Variants in ARB2A observed in about 807,000 individuals in gnomAD.
The protein encoded by ARB2A is ARB2 cotranscriptional regulator A, also known as cotranscriptional regulator ARB2A.
At chr5:93,871,110 T>C in the ARB2A span, among the ~76,000 whole-genome samples, 1 of 152,242 alleles carries the variant, frequency 6.6e-6, no homozygotes, top group Non-Finnish European at 1.5e-5. Context: ...TGGTCAATGA[T>C]ACAAACTGAG....
chr5:94,074,829 C>T, the ARB2A span: 1 of 1,122,018 alleles, frequency 8.9e-7, no homozygotes, highest in Middle Eastern at 2.0e-4. Context: ...TCCACGAGAA[C>T]TTCCTTGATC....
chr5:94,104,165 G>A, the ARB2A span, among the ~76,000 whole-genome samples: 4 of 150,278 alleles, frequency 2.7e-5, no homozygotes, highest in South Asian at 8.4e-4. Flanking sequence ...AGAGCTGACT[G>A]AACAAAACTA....
At chr5:94,071,724 G>A in the ARB2A span, among the ~76,000 whole-genome samples, 48 of 152,158 alleles carry the variant, frequency 3.2e-4, no homozygotes, top group African/African-American at 1.0e-3. Flanking sequence ...CAAATGCTGA[G>A]GAGGATGTAG....
At chr5:94,061,898 A>C in the ARB2A span, among the ~76,000 whole-genome samples, 1 of 152,320 alleles carries the variant, frequency 6.6e-6, no homozygotes, top group East Asian at 1.9e-4. Flanking sequence ...TTCCTATCAA[A>C]ATTGCAGTAA....
At chr5:93,931,079 T>C in the ARB2A span, among the ~76,000 whole-genome samples, 1 of 152,186 alleles carries the variant, frequency 6.6e-6, no homozygotes, top group South Asian at 2.1e-4. Context: ...AGTAAGAACA[T>C]GTGGTGTTTG....
chr5:93,982,329 T>C, the ARB2A span, among the ~76,000 whole-genome samples: 3 of 152,180 alleles, frequency 2.0e-5, no homozygotes, highest in Non-Finnish European at 4.4e-5. Context: ...ACAGATAAAA[T>C]GGATATAAAT....
the ARB2A span, chr5:93,861,506 G>A: frequency 6.6e-6 from 1 of 152,052 alleles, no homozygotes. Flanking sequence ...TATGGGTAGG[G>A]TCATGTGTTC....
the ARB2A span, among the ~76,000 whole-genome samples, chr5:93,806,425 A>G: frequency 2.6e-5 from 4 of 151,866 alleles, no homozygotes; most frequent in African/African-American, 9.7e-5. Context: ...TCACAAATCT[A>G]ATTTTTCAAT....
chr5:93,968,864 A>G, the ARB2A span, among the ~76,000 whole-genome samples: 3 of 152,194 alleles, frequency 2.0e-5, no homozygotes, highest in Admixed American at 6.5e-5. Flanking sequence ...GACTTCTCTT[A>G]CAAACTATGT....
chr5:93,900,078 C>G, the ARB2A span, among the ~76,000 whole-genome samples: 2 of 152,140 alleles, frequency 1.3e-5, no homozygotes, highest in East Asian at 1.9e-4. Flanking sequence ...ATGGACAACT[C>G]TTTCAGGAAT....
At chr5:93,734,490 C>T in the ARB2A span, 2 of 152,130 alleles carry the variant, frequency 1.3e-5, no homozygotes, top group African/African-American at 4.8e-5. Context: ...AAAGAAAATG[C>T]ACATATGTAC....
chr5:94,048,503 T>C, the ARB2A span, among the ~76,000 whole-genome samples: 1 of 152,186 alleles, frequency 6.6e-6, no homozygotes, highest in African/African-American at 2.4e-5. Flanking sequence ...GCCTGCACAG[T>C]CATGGATGCT....
the ARB2A span, chr5:93,781,928 C>T: frequency 7.5e-5 from 74 of 985,060 alleles, no homozygotes; most frequent in South Asian, 9.4e-5. Flanking sequence ...TGTTTCTCTT[C>T]GTTATTTCAA....
At chr5:93,922,918 C>T in the ARB2A span, among the ~76,000 whole-genome samples, 2 of 151,956 alleles carry the variant, frequency 1.3e-5, no homozygotes, top group Non-Finnish European at 2.9e-5. Flanking sequence ...AGAATTGGTA[C>T]CGTATAGAAA....
At chr5:94,101,002 C>T in the ARB2A span, among the ~76,000 whole-genome samples, 3 of 152,056 alleles carry the variant, frequency 2.0e-5, no homozygotes, top group East Asian at 5.8e-4. Flanking sequence ...AAACAGACAA[C>T]CTACAGAATG....
the ARB2A span, among the ~76,000 whole-genome samples, chr5:93,946,627 T>C: frequency 6.6e-6 from 1 of 152,136 alleles, no homozygotes; most frequent in Non-Finnish European, 1.5e-5. Context: ...AATTTTAAAA[T>C]ATGGATACAA....
the ARB2A span, chr5:93,781,762 T>C: frequency 2.4e-6 from 1 of 409,330 alleles, no homozygotes; most frequent in Non-Finnish European, 3.3e-6. Flanking sequence ...TTAATTTGCA[T>C]TTCTCTGATG....
chr5:93,752,861 C>G, the ARB2A span, among the ~76,000 whole-genome samples: 1 of 152,050 alleles, frequency 6.6e-6, no homozygotes, highest in Non-Finnish European at 1.5e-5. Context: ...TTATCCCTTA[C>G]GTTAACTAAT....
chr5:93,741,112 A>T, the ARB2A span: 4 of 1,613,822 alleles, frequency 2.5e-6, no homozygotes, highest in Non-Finnish European at 3.4e-6. Context: ...CAGAGCTCCC[A>T]CAGCGATCCC....
Sources: allele counts gnomAD v4.1 joint callset (sites outside exome capture counted in the v4.1 genomes callset), GRCh38; gene constraint gnomAD v4.1.1; transcripts MANE v1.5; gene names NCBI Gene and HGNC (gene_info 2026-07-23, HGNC 2026-07-21).